Variants in GALNT17 observed in about 807,000 individuals in gnomAD.
GALNT17 encodes UDP-GalNAc:polypeptide N-acetylgalactosaminyltransferase-like 3.
A neutral mutation model predicts 63.7 loss-of-function variants in GALNT17; 29 were observed. The ratio of observed to expected loss-of-function variants is 0.46; its 90% CI spans 0.34 to 0.62. The LOEUF is 0.62. GALNT17 is among the 20% of genes least tolerant of loss of function. The pLI, the probability that GALNT17 is intolerant of heterozygous loss-of-function variation, is 0.01. For synonymous variants in GALNT17, 305 were observed against 318.3 expected, an observed-to-expected ratio of 0.96 and a Z score of 0.45; for missense variants, 603 against 799.6, an observed-to-expected ratio of 0.75 and a Z score of 2.97.
At chr7:71,133,147 C>A in intron 1 of GALNT17, 107 bp downstream of exon 1, 1 of 952,376 alleles carries the variant, frequency 1.1e-6, no homozygotes, top group Non-Finnish European at 1.5e-6. Flanking sequence ...GCCGGCACAC[C>A]CTGGCTCCCG....
rs114061417 is a variant in GALNT17 at position 71,141,350 on chromosome 7, G to C, written c.238+8310G>C. On this transcript the variant is annotated intron_variant, in intron 1 of 10. Transcript: ENST00000333538. The stretch of plus-strand genomic sequence containing the variant: ...CCATTGCACCGTAGCCTGGGAGTCT[G>C]GGCGACAGAGCAAGACTGTCTCAAA... Among the ~76,000 whole-genome samples, 878 of 151,714 alleles carry C rather than the reference G, an allele frequency of 5.8e-3. 7 individuals are homozygous for C. Among genetic ancestry groups the C allele is most frequent in the African/African-American group, 0.02 (828 of 41,342 alleles).
intron 2 of GALNT17, among the ~76,000 whole-genome samples, chr7:71,339,912 G>A (rs569036739): frequency 8.6e-4 from 131 of 152,168 alleles, no homozygotes; most frequent in African/African-American, 3.1e-3. Context: ...AGAGAGAATG[G>A]CAACTTACAA....
chr7:71,536,507 C>T (rs1162385689), intron 5 of GALNT17, among the ~76,000 whole-genome samples: 1 of 152,226 alleles, frequency 6.6e-6, no homozygotes, highest in African/African-American at 2.4e-5. Flanking sequence ...AGAATCATGG[C>T]GGGAGGTGAA....
At chr7:71,546,574 G>A (rs914861610) in intron 5 of GALNT17, among the ~76,000 whole-genome samples, 11 of 152,184 alleles carry the variant, frequency 7.2e-5, no homozygotes, top group Non-Finnish European at 1.5e-4. Flanking sequence ...CCATCTGAAC[G>A]TCAAAGGGAT....
Position 71,667,395 on chromosome 7 carries a change from C to T in GALNT17, c.1266+1799C>T, listed in dbSNP as rs776078545. 2.0e-5 allele frequency among the ~76,000 whole-genome samples: 3 copies of T among 152,256 alleles called. No homozygotes were observed. The East Asian group carries it at 5.8e-4, about 29-fold the overall frequency. On this transcript the variant is annotated intron_variant, in intron 7 of 10. Coordinates refer to ENST00000333538, the MANE Select transcript of GALNT17 (RefSeq NM_022479.3). ...CTATTATGTAAAGATAGGTAACATTCGTTGAGCACTTACTATGTCCCAGGT... is the reference window on the plus strand; with the variant it reads ...CTATTATGTAAAGATAGGTAACATTTGTTGAGCACTTACTATGTCCCAGGT...
chr7:71,197,285 C>T (rs1264874529), intron 1 of GALNT17, among the ~76,000 whole-genome samples: 9 of 149,846 alleles, frequency 6.0e-5, no homozygotes, highest in South Asian at 2.1e-4. Context: ...CTGCAAACTC[C>T]GCCTCCTGGT....
At chr7:71,229,749 A>G (rs560738156) in intron 1 of GALNT17, among the ~76,000 whole-genome samples, 56 of 152,294 alleles carry the variant, frequency 3.7e-4, no homozygotes, top group African/African-American at 1.3e-3. Context: ...CCCTAGTCCC[A>G]TCTGAGACCT....
chr7:71,171,122 G>A (rs907317096), intron 1 of GALNT17, among the ~76,000 whole-genome samples: 1 of 152,158 alleles, frequency 6.6e-6, no homozygotes, highest in East Asian at 1.9e-4. Context: ...TTTAAGTCTC[G>A]TTAGAAATCT....
At chr7:71,606,921 G>A (rs1790055947) in intron 6 of GALNT17, among the ~76,000 whole-genome samples, 2 of 152,158 alleles carry the variant, frequency 1.3e-5, no homozygotes, top group Non-Finnish European at 1.5e-5. Flanking sequence ...AAGGGTAGTG[G>A]GGGTGGAAAG....
chr7:71,586,845 T>C (rs1789726280), intron 6 of GALNT17, among the ~76,000 whole-genome samples: 1 of 152,192 alleles, frequency 6.6e-6, no homozygotes, highest in Non-Finnish European at 1.5e-5. Flanking sequence ...TAGTCATAAA[T>C]ATTTGACTTT....
rs1031642397 is a variant in GALNT17 at position 71,132,606 on chromosome 7, G to A, written c.-197G>A. The A allele has an allele frequency of 5.6e-5, 32 of 566,914 alleles. No individual in the cohort carries two copies. In the African/African-American group the frequency reaches 5.7e-4, roughly 10 times the overall value. 35.1% of individuals were successfully genotyped at this position (566,914 alleles called of 1,614,324 possible). A position where few individuals can be genotyped will look rare whatever the true frequency, so the allele number is the denominator to read the frequency against. ...CTGCAGAGCGAGGACTTCCATGTGAGCGATTCCGTTCTCCCCACCACCAAT... is the reference window on the plus strand; with the variant it reads ...CTGCAGAGCGAGGACTTCCATGTGAACGATTCCGTTCTCCCCACCACCAAT... On this transcript the variant is annotated 5_prime_UTR_variant, in exon 1 of 11. Coordinates refer to ENST00000333538, the MANE Select transcript of GALNT17 (RefSeq NM_022479.3).
At chr7:71,595,458 G>A (rs1789871519) in intron 6 of GALNT17, among the ~76,000 whole-genome samples, 1 of 151,408 alleles carries the variant, frequency 6.6e-6, no homozygotes, top group Non-Finnish European at 1.5e-5. Context: ...GCAAAGGAAA[G>A]TAAAAAAATC....
chr7:71,294,701 C>T (rs1385311670), intron 1 of GALNT17, among the ~76,000 whole-genome samples: 2 of 152,134 alleles, frequency 1.3e-5, no homozygotes, highest in Non-Finnish European at 2.9e-5. Context: ...AGGTGTGAGA[C>T]ACCACGCCTG....
intron 5 of GALNT17, among the ~76,000 whole-genome samples, chr7:71,452,075 A>G (rs1299147040): frequency 6.6e-6 from 1 of 152,056 alleles, no homozygotes; most frequent in Non-Finnish European, 1.5e-5. Context: ...TAAGTGATAC[A>G]TGATAAATAA....
chr7:71,266,430 A>T (rs147320750), intron 1 of GALNT17, among the ~76,000 whole-genome samples: 1 of 152,028 alleles, frequency 6.6e-6, no homozygotes, highest in East Asian at 1.9e-4. Flanking sequence ...TGCTTTCTCT[A>T]TCTCTCTCCT....
intron 1 of GALNT17, among the ~76,000 whole-genome samples, chr7:71,151,633 G>GAAAAAA (rs565056347): frequency 3.3e-5 from 4 of 121,628 alleles, no homozygotes; most frequent in Admixed American, 8.6e-5. Context: ...AAAAAGAAAA[G>GAAAAAA]AAAAAAAAAA....
Position 71,231,818 on chromosome 7 carries a change from C to T in GALNT17, c.238+98778C>T, listed in dbSNP as rs558213637. Among the ~76,000 whole-genome samples the T allele has an allele frequency of 2.0e-4, 30 of 151,932 alleles. 1 individual carries two copies. In the East Asian group the frequency reaches 5.5e-3, roughly 28 times the overall value. On this transcript the variant is annotated intron_variant, in intron 1 of 10. Coordinates refer to ENST00000333538, the MANE Select transcript of GALNT17 (RefSeq NM_022479.3). ...TCTCTTCTTTCTCTTCTTATAAGGGCACTAATCCCATTATGAGGGCCCCAC... is the reference window on the plus strand; with the variant it reads ...TCTCTTCTTTCTCTTCTTATAAGGGTACTAATCCCATTATGAGGGCCCCAC...
intron 2 of GALNT17, among the ~76,000 whole-genome samples, chr7:71,364,853 G>C (rs897964932): frequency 2.0e-5 from 3 of 152,112 alleles, no homozygotes; most frequent in African/African-American, 7.2e-5. Context: ...TGAAAATTCC[G>C]CTTCTTTAAT....
At chr7:71,545,126 G>A (rs1265985938) in intron 5 of GALNT17, among the ~76,000 whole-genome samples, 1 of 151,796 alleles carries the variant, frequency 6.6e-6, no homozygotes, top group Non-Finnish European at 1.5e-5. Flanking sequence ...TGCACTAAAG[G>A]GTAATCTCAT....
Sources: allele counts gnomAD v4.1 joint callset (sites outside exome capture counted in the v4.1 genomes callset), GRCh38; gene constraint gnomAD v4.1.1; transcripts MANE v1.5; gene names NCBI Gene and HGNC (gene_info 2026-07-23, HGNC 2026-07-21).